Variants in RET observed in about 807,000 individuals in gnomAD.
RET encodes the protein proto-oncogene tyrosine-protein kinase receptor Ret.
Under a neutral mutation model 118.3 loss-of-function variants are expected in RET, and 19 were observed. That is an observed-to-expected ratio of 0.16 (90% CI 0.11 to 0.24). The LOEUF (loss-of-function observed/expected upper bound fraction) is 0.24, where lower values mean the gene tolerates loss of function less well. RET is among the 10% of genes least tolerant of loss of function. The pLI is 1.00. For missense variants in RET, 1,219 were observed against 1,502.1 expected, an observed-to-expected ratio of 0.81 and a Z score of 3.12; for synonymous variants, 597 against 644.1, an observed-to-expected ratio of 0.93 and a Z score of 1.11.
At chr10:43,111,068 C>A in intron 6 of RET, 139 bp from the exon 7 acceptor site, 1 of 1,194,540 alleles carries the variant, frequency 8.4e-7, no homozygotes, top group Non-Finnish European at 1.2e-6. Context: ...GGGTGGAGGA[C>A]AGGGTGCTCG....
At chr10:43,118,551 C>G in intron 13 of RET, 71 bp downstream of exon 13, 1 of 1,090,992 alleles carries the variant, frequency 9.2e-7, no homozygotes, top group Non-Finnish European at 1.4e-6. Flanking sequence ...GCCCTGTTCT[C>G]CCTCTTTCTC....
intron 11 of RET, 151 bp from the exon 12 acceptor site, chr10:43,116,433 A>G (rs2132897645): frequency 1.1e-6 from 1 of 937,008 alleles, no homozygotes; most frequent in Non-Finnish European, 1.7e-6. Flanking sequence ...GGGCAGAGAC[A>G]GGCAGCGTTG....
Position 43,109,087 on chromosome 10 carries a change from G to A in RET, c.1120G>A (p.Val374Met). 6.2e-7 allele frequency: 1 copy of A among 1,613,836 alleles called. No homozygotes were observed. The highest frequency in any genetic ancestry group is 8.5e-7 in the Non-Finnish European group (1 of 1,180,026). Residue 374 changes from valine to methionine, a missense_variant, in exon 6 of 20, where the codon GTG becomes ATG. By Grantham distance (21) the Val-to-Met change is conservative (BLOSUM62 1). Around this residue, in one of 5 missense-constraint regions of RET, gnomAD observed 850 missense variants for 969.6 expected, o/e 0.88. Transcript: ENST00000355710. The stretch of plus-strand genomic sequence containing the variant: ...GGAGAACCGCACCATGCAGCTGGCG[G>A]TGCTGGTCAATGACTCAGACTTCCA... ...ISENRTMQLA[V>M]LVNDSDFQGP...
At chr10:43,104,750 T>C (rs1837719159) in intron 3 of RET, 2 of 772,200 alleles carry the variant, frequency 2.6e-6, no homozygotes, top group Non-Finnish European at 2.0e-6. Flanking sequence ...CGCTGCAAAC[T>C]GCAAACTCGT....
chr10:43,081,448 G>A (rs1287473136), intron 1 of RET, among the ~76,000 whole-genome samples: 5 of 152,216 alleles, frequency 3.3e-5, no homozygotes, highest in Non-Finnish European at 5.9e-5. Context: ...CGTAGTCAAG[G>A]AGACCCTGTG....
Position 43,130,037 on chromosome 10 carries a change from A to G in RET, c.*1768A>G, listed in dbSNP as rs1159017646. 2 of 398,734 alleles carry G rather than the reference A, an allele frequency of 5.0e-6. No individual in the cohort carries two copies. The highest frequency in any genetic ancestry group is 8.8e-6 in the Non-Finnish European group (2 of 226,062). The allele number at this position is 398,734 out of a possible 1,614,324, so 24.7% of individuals were successfully genotyped here. ...CAACAGGTTTGTTCTCAGGAGGGTA[A>G]GAACTCCAGGTCTAAACAGCTGACC... On this transcript the variant is annotated 3_prime_UTR_variant, in exon 20 of 20. Coordinates refer to ENST00000355710, the MANE Select transcript of RET (RefSeq NM_020975.6).
intron 2 of RET, 54 bp from the exon 3 acceptor site, chr10:43,102,288 C>A (rs1837656349): frequency 1.2e-6 from 2 of 1,606,642 alleles, no homozygotes. Flanking sequence ...TCCCCATTCC[C>A]GACTGCCTGG....
chr10:43,107,142 G>A lies in RET; in HGVS notation c.1063+571G>A, dbSNP rs186702398. On this transcript the variant is annotated intron_variant, in intron 5 of 19. Coordinates refer to ENST00000355710, the MANE Select transcript of RET (RefSeq NM_020975.6). ...CCTCCTGCAGATTTCTCCTGGGATC[G>A]CCTTCCAAATAAACCACCTGCATTT... Among the ~76,000 whole-genome samples, 337 of 152,280 alleles carry A rather than the reference G, an allele frequency of 2.2e-3. 5 individuals carry two copies. The highest frequency in any genetic ancestry group is 3.4e-3 in the Non-Finnish European group (228 of 68,006).
chr10:43,123,533 G>A lies in RET; in HGVS notation c.2802-138G>A, dbSNP rs932010995. 2.5e-6 allele frequency: 3 copies of A among 1,179,704 alleles called. No homozygotes were observed. In the African/African-American group the frequency reaches 4.5e-5, roughly 18 times the overall value. 73.1% of individuals were successfully genotyped at this position (1,179,704 alleles called of 1,614,324 possible). On this transcript the variant is annotated intron_variant, in intron 16 of 19. Coordinates refer to ENST00000355710, the MANE Select transcript of RET (RefSeq NM_020975.6). Reference sequence around the variant, plus strand: ...ACATCCATCTGAGCAGCCAGACCCAGGCTGACATCTGTGAGCATCTGTGCT... The same window carrying A: ...ACATCCATCTGAGCAGCCAGACCCAAGCTGACATCTGTGAGCATCTGTGCT...
rs1177806121 is a variant in RET, at chr10:43,102,618, G to A, written c.614G>A (p.Arg205Lys). Residue 205 changes from arginine to lysine, a missense_variant, in exon 3 of 20, where the codon AGG (arginine) becomes AAG (lysine). By Grantham distance (26) the Arg-to-Lys change is conservative (BLOSUM62 2). Transcript: ENST00000355710. ...FLCPNISVAY[R>K]LLEGEGLPFR... Reference sequence around the variant, plus strand: ...TGCCCCAACATCAGCGTGGCCTACAGGCTCCTGGAGGGTGAGTGCCGACCT... The same window carrying A: ...TGCCCCAACATCAGCGTGGCCTACAAGCTCCTGGAGGGTGAGTGCCGACCT... 3 of 1,614,116 alleles carry A rather than the reference G, an allele frequency of 1.9e-6. No homozygotes were observed. The highest frequency in any genetic ancestry group is 2.7e-5 in the African/African-American group (2 of 75,060).
At chr10:43,083,263 C>A (rs1478186625) in intron 1 of RET, among the ~76,000 whole-genome samples, 1 of 152,216 alleles carries the variant, frequency 6.6e-6, no homozygotes, top group Admixed American at 6.5e-5. Flanking sequence ...CCCACAGCAC[C>A]TTGAAAACTC....
rs1838034541 is a variant in RET at position 43,114,818 on chromosome 10, G to A, written c.2136+82G>A. ...GAGGGAGGCCAGCTGGGGAGACAGA[G>A]GCCATCCTGTGAGGGGCTGCCAACG... On this transcript the variant is annotated intron_variant, in intron 11 of 19. Transcript: ENST00000355710. This position sits in a 1 kb window ranked among gnomAD's most constrained non-coding sequence, Gnocchi z 4.6. The A allele has an allele frequency of 6.8e-7, 1 of 1,461,446 alleles. No individual in the cohort carries two copies. The highest frequency in any genetic ancestry group is 9.2e-7 in the Non-Finnish European group (1 of 1,092,346). 90.5% of individuals were successfully genotyped at this position (1,461,446 alleles called of 1,614,324 possible). A position where few individuals can be genotyped will look rare whatever the true frequency, so the allele number is the denominator to read the frequency against.
intron 1 of RET, among the ~76,000 whole-genome samples, chr10:43,096,669 C>T (rs775845298): frequency 6.6e-6 from 1 of 152,218 alleles, no homozygotes; most frequent in Non-Finnish European, 1.5e-5. Flanking sequence ...CTGCACAGTC[C>T]GGTGGTTCCT....
intron 1 of RET, among the ~76,000 whole-genome samples, chr10:43,094,303 G>A (rs545024499): frequency 1.1e-4 from 16 of 152,104 alleles, no homozygotes; most frequent in Non-Finnish European, 1.8e-4. Context: ...ATTCTGCTGG[G>A]CCATAATAAA....
At chr10:43,125,012 T>C in intron 18 of RET, 30 bp downstream of exon 18, 1 of 1,605,762 alleles carries the variant, frequency 6.2e-7, no homozygotes, top group Non-Finnish European at 8.5e-7. Context: ...TCCCACAAGC[T>C]GAAAGTGGCT....
At chr10:43,126,397 C>A (rs904311302) in intron 18 of RET, among the ~76,000 whole-genome samples, 178 bp from the exon 19 acceptor site, 12 of 152,174 alleles carry the variant, frequency 7.9e-5, no homozygotes, top group African/African-American at 2.9e-4. Context: ...CAGGACCAGG[C>A]CAGCCAGGAG....
At chr10:43,120,225 G>A (rs2132965579) in intron 15 of RET, 22 bp downstream of exon 15, 1 of 1,611,650 alleles carries the variant, frequency 6.2e-7, no homozygotes, top group Non-Finnish European at 8.5e-7. Context: ...CGGGGATGAG[G>A]CGGGGCTCCC....
chr10:43,123,951 AT>A (rs1306618697), intron 17 of RET, 143 bp downstream of exon 17: 1 of 1,286,874 alleles, frequency 7.8e-7, no homozygotes, highest in Non-Finnish European at 1.1e-6. Flanking sequence ...TTAGAGAGCC[AT>A]CCTTGGGTGT....
chr10:43,126,759 G>A (rs375519926), intron 19 of RET, 37 bp downstream of exon 19: 67 of 1,609,544 alleles, frequency 4.2e-5, no homozygotes, highest in African/African-American at 1.1e-4. Flanking sequence ...TTCTAGCACC[G>A]CTGTCCCCTT....
Sources: gnomAD v4.1 joint callset for allele counts (sites outside exome capture counted in the v4.1 genomes callset) on GRCh38, gnomAD v4.1.1 for gene constraint, gnomAD v4.1.1 regional missense constraint, Gnocchi (gnomAD v3.1) non-coding constraint, MANE v1.5 for transcripts, NCBI Gene and HGNC (gene_info 2026-07-23, HGNC 2026-07-21) for gene names.